The following RSRC1 variants were observed in gnomAD, a reference collection of about 807,000 sequenced individuals.
RSRC1 encodes the protein arginine and serine rich coiled-coil 1.
In RSRC1, 39 loss-of-function variants were observed where a neutral mutation model predicts 49.1. That is an observed-to-expected ratio of 0.79 (90% CI 0.61 to 1.04). The LOEUF is 1.04. Among genes scored for constraint, RSRC1 ranks in the 50% least tolerant of loss-of-function variants. The pLI is 0.00. For missense variants in RSRC1, 388 were observed against 402.4 expected (o/e 0.96, Z 0.31); for synonymous variants, 143 against 130.8 (o/e 1.09, Z -0.63).
At chr3:158,421,144 C>T (rs755855090) in intron 6 of RSRC1, among the ~76,000 whole-genome samples, 5 of 151,828 alleles carry the variant, frequency 3.3e-5, no homozygotes, top group Non-Finnish European at 5.9e-5. Flanking sequence ...ACAAGTTAGT[C>T]ATATTAGAAC....
intron 5 of RSRC1, among the ~76,000 whole-genome samples, chr3:158,344,611 C>T (rs1489757640): frequency 6.6e-6 from 1 of 152,128 alleles, no homozygotes; most frequent in African/African-American, 2.4e-5. Flanking sequence ...CAAGAAATGT[C>T]ACAGGGTGCC....
chr3:158,182,330 T>A (rs1719667864), intron 3 of RSRC1, among the ~76,000 whole-genome samples: 2 of 152,154 alleles, frequency 1.3e-5, no homozygotes, highest in Non-Finnish European at 1.5e-5. Context: ...AACATGTAAG[T>A]GACATTTAAT....
At chr3:158,345,226 CAA>C (rs571012725) in intron 5 of RSRC1, among the ~76,000 whole-genome samples, 4 of 120,012 alleles carry the variant, frequency 3.3e-5, no homozygotes, top group African/African-American at 2.8e-5. Flanking sequence ...GATTCTGTCT[CAA>C]AAAAAAAAAA....
chr3:158,309,237 C>G (rs1728003002), intron 5 of RSRC1, among the ~76,000 whole-genome samples: 1 of 151,818 alleles, frequency 6.6e-6, no homozygotes, highest in South Asian at 2.1e-4. Context: ...TTAGCGCTCT[C>G]TGAAGTATGA....
intron 5 of RSRC1, among the ~76,000 whole-genome samples, chr3:158,332,547 G>GT (rs1417381041): frequency 8.5e-5 from 13 of 152,254 alleles, no homozygotes; most frequent in Non-Finnish European, 1.8e-4. Flanking sequence ...TAGGGAGACT[G>GT]TTTTTATGAA....
At chr3:158,300,798 G>A (rs11719153) in intron 5 of RSRC1, among the ~76,000 whole-genome samples, 33,037 of 152,028 alleles carry the variant, frequency 0.22, 4,174 homozygotes, top group Non-Finnish European at 0.29. Context: ...TTGTTCTAAG[G>A]GGGTAAAAGC....
At chr3:158,261,094 C>T (rs76213222) in intron 4 of RSRC1, among the ~76,000 whole-genome samples, 4,007 of 152,278 alleles carry the variant, frequency 0.026, 158 homozygotes, top group African/African-American at 0.092. Context: ...GTTTAATTTG[C>T]TGTTCCTGCC....
chr3:158,304,735 A>G (rs1037800142), intron 5 of RSRC1, among the ~76,000 whole-genome samples: 1 of 152,168 alleles, frequency 6.6e-6, no homozygotes, highest in Non-Finnish European at 1.5e-5. Context: ...CTAAGACAAT[A>G]TACATTTGAG....
chr3:158,382,624 C>T (rs1732761083), intron 6 of RSRC1, among the ~76,000 whole-genome samples: 1 of 151,982 alleles, frequency 6.6e-6, no homozygotes, highest in Non-Finnish European at 1.5e-5. Flanking sequence ...TGTGGCTGGC[C>T]CTACTTTAAG....
intron 1 of RSRC1, 100 bp from the exon 2 acceptor site, chr3:158,122,003 T>C: frequency 1.5e-6 from 1 of 667,650 alleles, no homozygotes; most frequent in Non-Finnish European, 2.2e-6. Flanking sequence ...AGACCCCATC[T>C]CTAAAATAAA....
At chr3:158,132,299 A>G (rs1716085903) in intron 3 of RSRC1, 1 of 172,212 alleles carries the variant, frequency 5.8e-6, no homozygotes, top group Non-Finnish European at 1.3e-5. Flanking sequence ...TTAAATTATT[A>G]TTTCTTTGTA....
rs765828003 is a variant in RSRC1 at position 158,455,979 on chromosome 3, C to CAAAA, written c.584-4924_584-4921dup. On this transcript the variant is annotated intron_variant, in intron 6 of 9. Transcript: ENST00000611884. ...TGGGGGACAGAGCAAGACTCCATCTCAAAAAAAAAAAAAAAAAAAAAAAAA... is the reference window on the plus strand; with the variant it reads ...TGGGGGACAGAGCAAGACTCCATCTCAAAAAAAAAAAAAAAAAAAAAAAAAAAAA... Among the ~76,000 whole-genome samples the CAAAA allele has an allele frequency of 4.8e-3, 274 of 56,504 alleles. 14 individuals are homozygous for CAAAA. The highest frequency in any genetic ancestry group is 9.3e-3 in the East Asian group (10 of 1,078). The allele number at this position is 56,504 out of a possible 152,430, so 37.1% of individuals were successfully genotyped here. A position where few individuals can be genotyped will look rare whatever the true frequency, so the allele number is the denominator to read the frequency against.
chr3:158,114,795 T>C (rs1011846142), intron 1 of RSRC1, among the ~76,000 whole-genome samples: 3 of 152,206 alleles, frequency 2.0e-5, no homozygotes, highest in Non-Finnish European at 2.9e-5. Flanking sequence ...GATTTGGCTC[T>C]CTGCTTGTCT....
chr3:158,415,640 T>A (rs1734701605), intron 6 of RSRC1, among the ~76,000 whole-genome samples: 1 of 152,092 alleles, frequency 6.6e-6, no homozygotes, highest in Non-Finnish European at 1.5e-5. Flanking sequence ...AAATAATTCT[T>A]ATTAATTAAT....
rs2108193324 is a variant in RSRC1, at chr3:158,139,260, G to A, written c.320+15269G>A. Among the ~76,000 whole-genome samples the A allele has an allele frequency of 1.3e-5, 2 of 152,118 alleles. 1 individual carries two copies. Among genetic ancestry groups the A allele is most frequent in the Middle Eastern group, 6.8e-3 (2 of 294 alleles). The stretch of plus-strand genomic sequence containing the variant: ...TACTAAAAATACAAAAATTAGCTGG[G>A]CCTGGTGACGGGTGCCTGTAATCCC... On this transcript the variant is annotated intron_variant, in intron 3 of 9. Transcript: ENST00000611884.
chr3:158,531,321 G>A (rs1712390326), intron 7 of RSRC1, among the ~76,000 whole-genome samples: 1 of 151,932 alleles, frequency 6.6e-6, no homozygotes, highest in Admixed American at 6.6e-5. Flanking sequence ...AAGAGAAGGT[G>A]AGAGCATTCC....
At chr3:158,307,015 C>T (rs1158568441) in intron 5 of RSRC1, among the ~76,000 whole-genome samples, 1 of 151,208 alleles carries the variant, frequency 6.6e-6, no homozygotes, top group African/African-American at 2.4e-5. Context: ...AGGGACTTCA[C>T]TTATTTTTAA....
chr3:158,273,924 G>T (rs1217792070), intron 4 of RSRC1, among the ~76,000 whole-genome samples: 1 of 151,932 alleles, frequency 6.6e-6, no homozygotes, highest in African/African-American at 2.4e-5. Context: ...CTGTATCTTT[G>T]TGAAATGTAT....
At chr3:158,184,135 A>G (rs1719790922) in intron 3 of RSRC1, among the ~76,000 whole-genome samples, 1 of 152,122 alleles carries the variant, frequency 6.6e-6, no homozygotes, top group Non-Finnish European at 1.5e-5. Context: ...AACTAAGAAA[A>G]AGTATAATTT....
Sources: allele counts gnomAD v4.1 joint callset (sites outside exome capture counted in the v4.1 genomes callset), GRCh38; gene constraint gnomAD v4.1.1; transcripts MANE v1.5; gene names NCBI Gene and HGNC (gene_info 2026-07-23, HGNC 2026-07-21).